The following ZNF813 variants were observed in gnomAD, a reference collection of about 807,000 sequenced individuals.
The protein encoded by ZNF813 is zinc finger protein 813.
A neutral mutation model predicts 7.2 loss-of-function variants in ZNF813; 3 were observed. That is an observed-to-expected ratio of 0.42 (90% CI 0.19 to 1.08). The LOEUF (loss-of-function observed/expected upper bound fraction) is 1.08, where lower values mean the gene tolerates loss of function less well. Among genes scored for constraint, ZNF813 ranks in the 50% least tolerant of loss-of-function variants. ZNF813 has a pLI of 0.30. For missense variants in ZNF813, 714 were observed against 753.3 expected (o/e 0.95, Z 0.61); for synonymous variants, 227 against 256.3 (o/e 0.89, Z 1.09).
intron 3 of ZNF813, among the ~76,000 whole-genome samples, 160 bp from the exon 4 acceptor site, chr19:53,490,215 C>G (rs1384335701): frequency 2.6e-5 from 4 of 152,164 alleles, no homozygotes; most frequent in Non-Finnish European, 4.4e-5. Context: ...CATGTAATAG[C>G]CCTTTATCTA....
In ZNF813 at chr19:53,483,733, A is replaced by G. The variant is rs143752730; in HGVS notation, c.-73-17A>G. 0.013 allele frequency: 20,086 copies of G among 1,602,386 alleles called. 147 individuals carry two copies. Among genetic ancestry groups the G allele is most frequent in the Non-Finnish European group, 0.015 (17,258 of 1,174,862 alleles). On this transcript the variant is annotated splice_polypyrimidine_tract_variant and intron_variant, in intron 1 of 3. Transcript: ENST00000396403. ...GTGTTGATTCTGAGCAATAAACAACATATTTCTAACATTCAGGATTGACTT... is the reference window on the plus strand; with the variant it reads ...GTGTTGATTCTGAGCAATAAACAACGTATTTCTAACATTCAGGATTGACTT...
intron 1 of ZNF813, among the ~76,000 whole-genome samples, chr19:53,482,728 T>TC: frequency 7.3e-6 from 1 of 137,838 alleles, no homozygotes; most frequent in East Asian, 2.1e-4. Context: ...TTTTTTTTTT[T>TC]TTTTTTTTTT....
chr19:53,474,643 T>G (rs149430846), intron 1 of ZNF813, among the ~76,000 whole-genome samples: 128 of 151,670 alleles, frequency 8.4e-4, no homozygotes, highest in African/African-American at 2.9e-3. Flanking sequence ...GAGCCAAGAT[T>G]GCACCACTGC....
intron 1 of ZNF813, among the ~76,000 whole-genome samples, chr19:53,468,904 T>C (rs2086342093): frequency 6.6e-6 from 1 of 151,008 alleles, no homozygotes; most frequent in African/African-American, 2.4e-5. Flanking sequence ...GCACAGACTC[T>C]TTACGGGTGT....
chr19:53,468,219 G>C (rs1201315862), intron 1 of ZNF813, among the ~76,000 whole-genome samples: 78 of 52,928 alleles, frequency 1.5e-3, no homozygotes, highest in Middle Eastern at 0.013. Flanking sequence ...GCGCCCTCGC[G>C]CCCCCCCCCC....
intron 1 of ZNF813, among the ~76,000 whole-genome samples, chr19:53,468,493 C>G (rs550597116): frequency 2.0e-5 from 3 of 152,326 alleles, no homozygotes; most frequent in Admixed American, 1.3e-4. Flanking sequence ...GTGCCAGCCT[C>G]TGAGTTCCCT....
intron 1 of ZNF813, among the ~76,000 whole-genome samples, chr19:53,472,899 A>C (rs2086366368): frequency 6.6e-6 from 1 of 152,064 alleles, no homozygotes; most frequent in Non-Finnish European, 1.5e-5. Context: ...GGCATGAGTG[A>C]CCACACCTGG....
In ZNF813 at chr19:53,486,393, G is replaced by A. The variant is rs548144886; in HGVS notation, c.16-239G>A. Among the ~76,000 whole-genome samples, 3 of 151,682 alleles carry A rather than the reference G, an allele frequency of 2.0e-5. No individual in the cohort carries two copies. The South Asian group carries it at 6.3e-4, about 32-fold the overall frequency. On this transcript the variant is annotated intron_variant, in intron 2 of 3. Coordinates refer to ENST00000396403, the MANE Select transcript of ZNF813 (RefSeq NM_001004301.4). ...TCCTGGGAGGTGGAGGTTGCAGTGAGTGGAGACTGTGCCATTGCACTCCAG... is the reference window on the plus strand; with the variant it reads ...TCCTGGGAGGTGGAGGTTGCAGTGAATGGAGACTGTGCCATTGCACTCCAG...
rs981032955 is a variant in ZNF813, at chr19:53,493,008, A to G, written c.*922A>G. The G allele has an allele frequency of 2.3e-6, 1 of 425,684 alleles. No homozygotes were observed. The highest frequency in any genetic ancestry group is 4.7e-6 in the Non-Finnish European group (1 of 212,474). 26.4% of individuals were successfully genotyped at this position (425,684 alleles called of 1,614,324 possible). On this transcript the variant is annotated 3_prime_UTR_variant, in exon 4 of 4. Coordinates refer to ENST00000396403, the MANE Select transcript of ZNF813 (RefSeq NM_001004301.4). ...TTCAGTCTGACTTCACTCCTTGCAG[A>G]ATATCAGAAAATTCATTTTGAGATA... is the stretch of plus-strand genomic sequence containing the variant.
chr19:53,478,287 A>C (rs1309423682), intron 1 of ZNF813, among the ~76,000 whole-genome samples: 2 of 152,050 alleles, frequency 1.3e-5, no homozygotes, highest in African/African-American at 4.8e-5. Context: ...CTCCTACCTC[A>C]GCTTCCTGTG....
chr19:53,493,326 AT>A lies in ZNF813; in HGVS notation c.*1245del, dbSNP rs1299372587. ...GTTATATAATCATTTAACAATATTAATTTTTCCAATCCATCAATATGGGTTA... is the reference window on the plus strand; with the variant it reads ...GTTATATAATCATTTAACAATATTAATTTTCCAATCCATCAATATGGGTTA... On this transcript the variant is annotated 3_prime_UTR_variant, in exon 4 of 4. Coordinates refer to ENST00000396403, the MANE Select transcript of ZNF813 (RefSeq NM_001004301.4). The A allele has an allele frequency of 6.4e-6, 1 of 156,852 alleles. No individual in the cohort carries two copies. The highest frequency in any genetic ancestry group is 2.4e-5 in the African/African-American group (1 of 41,448). The allele number at this position is 156,852 out of a possible 1,614,324, so 9.7% of individuals were successfully genotyped here. A position where few individuals can be genotyped will look rare whatever the true frequency, so the allele number is the denominator to read the frequency against.
rs1170257159 is a variant in ZNF813 at position 53,493,526 on chromosome 19, A to T, written c.*1440A>T. On this transcript the variant is annotated 3_prime_UTR_variant, in exon 4 of 4. Transcript: ENST00000396403. The stretch of plus-strand genomic sequence containing the variant: ...ACAAACTTCTCATCTTTTTGCTTTT[A>T]TTCCTAAGTATTTCTTACTTTAAGT... 1 of 149,664 alleles carries T rather than the reference A, an allele frequency of 6.7e-6. No homozygotes were observed. The highest frequency in any genetic ancestry group is 1.5e-5 in the Non-Finnish European group (1 of 67,352). The allele number at this position is 149,664 out of a possible 1,614,324, so 9.3% of individuals were successfully genotyped here.
chr19:53,479,454 G>A, intron 1 of ZNF813: 3 of 1,533,400 alleles, frequency 2.0e-6, no homozygotes, highest in South Asian at 1.1e-5. Flanking sequence ...GAGAAGCTGA[G>A]AGAGAAAGGT....
chr19:53,487,445 G>A (rs570061717), intron 3 of ZNF813, among the ~76,000 whole-genome samples: 1 of 151,542 alleles, frequency 6.6e-6, no homozygotes, highest in Non-Finnish European at 1.5e-5. Flanking sequence ...TCACTCTGTC[G>A]CCAAGGCTAC....
chr19:53,469,895 T>C (rs959216310), intron 1 of ZNF813, among the ~76,000 whole-genome samples: 4 of 151,430 alleles, frequency 2.6e-5, no homozygotes, highest in Non-Finnish European at 4.4e-5. Flanking sequence ...GAGACTGCTA[T>C]GGGGGAGACA....
Position 53,477,770 on chromosome 19 carries a change from G to A in ZNF813, c.-73-5980G>A, listed in dbSNP as rs190527097. ...CAGGAGGTCCAGGCTGCAGTGAGCC[G>A]AGATCATGCCACTGCCCTCCAGCCT... On this transcript the variant is annotated intron_variant, in intron 1 of 3. Transcript: ENST00000396403. Among the ~76,000 whole-genome samples the A allele has an allele frequency of 8.7e-3, 1,319 of 152,242 alleles. 20 individuals carry two copies. The highest frequency in any genetic ancestry group is 0.029 in the African/African-American group (1,225 of 41,542).
rs752043937 is a variant in ZNF813, at chr19:53,490,767, A to G, written c.535A>G (p.Arg179Gly). 6.2e-7 allele frequency: 1 copy of G among 1,614,102 alleles called. No homozygotes were observed. The highest frequency in any genetic ancestry group is 8.5e-7 in the Non-Finnish European group (1 of 1,180,042). Residue 179 changes from arginine (R) to glycine (G), a missense_variant, in exon 4 of 4, where the codon AGA becomes GGA. By Grantham distance (125) the Arg-to-Gly change is moderately radical (BLOSUM62 -2). Transcript: ENST00000396403. ...TGCTTCCTCAATTTCAACATCCCAA[A>G]GAATTTCTTGTAGGCCCAAAACCCA... is the stretch of plus-strand genomic sequence containing the variant. Reference protein sequence around the residue: ...NDASSISTSQRISCRPKTHIS... With the variant: ...NDASSISTSQGISCRPKTHIS...
chr19:53,475,050 G>A (rs1233781310), intron 1 of ZNF813, among the ~76,000 whole-genome samples: 1 of 152,096 alleles, frequency 6.6e-6, no homozygotes, highest in Admixed American at 6.6e-5. Context: ...GTGCATTATA[G>A]CTACTTTCTC....
rs1283211062 is a variant in ZNF813, at chr19:53,481,345, T to C, written c.-73-2405T>C. On this transcript the variant is annotated intron_variant, in intron 1 of 3. Transcript: ENST00000396403. ...CTATTCTAAAAGCACCCATGTATTC[T>C]TTTTTTTTTTTTTTTTTTGAGATGG... Among the ~76,000 whole-genome samples the C allele has an allele frequency of 4.4e-4, 7 of 15,760 alleles. No homozygotes were observed. In the South Asian group the frequency reaches 0.014, roughly 32 times the overall value. 10.3% of individuals were successfully genotyped at this position (15,760 alleles called of 152,430 possible). A position where few individuals can be genotyped will look rare whatever the true frequency, so the allele number is the denominator to read the frequency against.
Sources: gnomAD v4.1 joint callset for allele counts (sites outside exome capture counted in the v4.1 genomes callset) on GRCh38, gnomAD v4.1.1 for gene constraint, MANE v1.5 for transcripts, NCBI Gene and HGNC (gene_info 2026-07-23, HGNC 2026-07-21) for gene names.